Variants in PCF11 observed in about 807,000 individuals in gnomAD.
PCF11 encodes pre-mRNA cleavage complex 2 protein Pcf11.
In PCF11, 19 loss-of-function variants were observed where a neutral mutation model predicts 166.1. That is an observed-to-expected ratio of 0.11 (90% CI 0.08 to 0.17). The LOEUF (loss-of-function observed/expected upper bound fraction) is 0.17. PCF11 is among the 10% of genes least tolerant of loss of function. PCF11 has a pLI of 1.00. For synonymous variants in PCF11, 663 were observed against 644.1 expected (o/e 1.03, Z -0.44); for missense variants, 1,565 against 1,855.5 (o/e 0.84, Z 2.88).
intron 8 of PCF11, 132 bp from the exon 9 acceptor site, chr11:83,171,686 A>G: frequency 1.5e-6 from 1 of 664,046 alleles, no homozygotes; most frequent in Non-Finnish European, 2.7e-6. Context: ...GATGCAGCCA[A>G]GTTATCTTTC....
chr11:83,169,461 G>A, exon 8 of PCF11: 2 of 1,613,700 alleles, frequency 1.2e-6, no homozygotes, highest in Non-Finnish European at 1.7e-6. Context: ...TTGATGGGCA[G>A]CCAGGTCAGC....
chr11:83,164,342 T>G, exon 4 of PCF11: 1 of 1,613,590 alleles, frequency 6.2e-7, no homozygotes, highest in Non-Finnish European at 8.5e-7. Flanking sequence ...GCAAAAACAG[T>G]TGTTAGAACT....
exon 5 of PCF11, chr11:83,166,392 G>A: frequency 6.2e-7 from 1 of 1,613,948 alleles, no homozygotes; most frequent in Admixed American, 1.7e-5. Context: ...AAAGAGAAGA[G>A]ATAGGCGGTC....
chr11:83,169,184 A>C, exon 8 of PCF11: 2 of 1,612,546 alleles, frequency 1.2e-6, no homozygotes, highest in South Asian at 2.2e-5. Flanking sequence ...TTGCTACAGC[A>C]AGGGGTTGGA....
In PCF11 at chr11:83,167,279, C is replaced by G; in HGVS notation, c.1972C>G (p.Leu658Val). ...TCTTCAGATTCCTAAAGAGTTAACT[C>G]TTGCAAGCAAAAGAGAATTACTTCA... is the stretch of plus-strand genomic sequence containing the variant. The change falls in exon 6 of 16, where the codon CTT becomes GTT. Residue 658 changes from leucine (L) to valine (V), a missense_variant. This residue lies in a region of PCF11 where 26 missense variants were observed against 63.3 expected (regional missense o/e 0.41). Coordinates refer to ENST00000298281, the Ensembl canonical transcript of PCF11. The surrounding 1 kb of genome is among the most constrained non-coding windows in gnomAD (Gnocchi z 4.2). The G allele has an allele frequency of 1.2e-6, 2 of 1,613,194 alleles. No homozygotes were observed. The highest frequency in any genetic ancestry group is 1.7e-6 in the Non-Finnish European group (2 of 1,179,408).
chr11:83,185,956 C>CT (rs1554989035), exon 16 of PCF11: 1 of 152,410 alleles, frequency 6.6e-6, no homozygotes, highest in Non-Finnish European at 1.5e-5. Context: ...ATATAAAACA[C>CT]TGAGTTTTAT....
exon 8 of PCF11, chr11:83,169,602 T>C (rs780801931): frequency 6.2e-7 from 1 of 1,613,854 alleles, no homozygotes; most frequent in Admixed American, 1.7e-5. Flanking sequence ...GATTTGACGG[T>C]GTACCTCAAA....
At chr11:83,186,376 C>CAGTAGTTTTG in exon 16 of PCF11, 1 of 152,184 alleles carries the variant, frequency 6.6e-6, no homozygotes, top group East Asian at 1.9e-4. Context: ...GGTTAAAACT[C>CAGTAGTTTTG]AGTAGTTTTG....
exon 4 of PCF11, chr11:83,164,328 C>T (rs1467881667): frequency 1.2e-6 from 2 of 1,613,408 alleles, no homozygotes; most frequent in South Asian, 2.2e-5. Context: ...CAGTTACTGG[C>T]AAAGCAAAAA....
rs1860351786 is a variant in PCF11, at chr11:83,163,920, A to G, written c.507+53A>G. 6 of 834,128 alleles carry G rather than the reference A, an allele frequency of 7.2e-6. No homozygotes were observed. The Middle Eastern group carries it at 1.2e-3, about 163-fold the overall frequency. 51.7% of individuals were successfully genotyped at this position (834,128 alleles called of 1,614,324 possible). A position where few individuals can be genotyped will look rare whatever the true frequency, so the allele number is the denominator to read the frequency against. ...CATACTTTTAAGTATCACATTTTGA[A>G]TTCTTCTGCAGAACTTACTGCCAGA... On this transcript the variant is annotated intron_variant, in intron 3 of 15. Coordinates refer to ENST00000298281, the Ensembl canonical transcript of PCF11.
chr11:83,157,857 A>G (rs763266787), intron 1 of PCF11: 10 of 561,756 alleles, frequency 1.8e-5, no homozygotes, highest in African/African-American at 7.5e-5. Flanking sequence ...CCGCTTTCCA[A>G]CTCCCTTTTT....
intron 4 of PCF11, among the ~76,000 whole-genome samples, chr11:83,165,201 A>G (rs992128599): frequency 6.6e-6 from 1 of 152,240 alleles, no homozygotes; most frequent in African/African-American, 2.4e-5. Flanking sequence ...TAAGTTCATT[A>G]ATAGCACCAC....
chr11:83,167,038 A>T lies in PCF11; in HGVS notation c.1818-87A>T. 1 of 1,093,476 alleles carries T rather than the reference A, an allele frequency of 9.1e-7. No individual in the cohort carries two copies. Among genetic ancestry groups the T allele is most frequent in the Admixed American group, 2.3e-5 (1 of 44,236 alleles). 67.7% of individuals were successfully genotyped at this position (1,093,476 alleles called of 1,614,324 possible). On this transcript the variant is annotated intron_variant, in intron 5 of 15. Coordinates refer to ENST00000298281, the Ensembl canonical transcript of PCF11. The surrounding 1 kb of genome is among the most constrained non-coding windows in gnomAD (Gnocchi z 4.2). ...GTGGTTACATATGCCCATTTTAACC[A>T]TATCCTTTGAAAAGAATCTTTAAAT...
At chr11:83,174,026 G>A (rs1860790797) in intron 9 of PCF11, among the ~76,000 whole-genome samples, 1 of 152,076 alleles carries the variant, frequency 6.6e-6, no homozygotes, top group South Asian at 2.1e-4. Flanking sequence ...ACTGTGCCCA[G>A]CCTTGTTTTG....
intron 9 of PCF11, among the ~76,000 whole-genome samples, chr11:83,173,326 A>G (rs1232721889): frequency 6.6e-6 from 1 of 152,066 alleles, no homozygotes; most frequent in Admixed American, 6.6e-5. Context: ...GTGGTGGTGC[A>G]TGCCTGTAGT....
chr11:83,161,542 G>A (rs1279560692), intron 2 of PCF11, 90 bp downstream of exon 2: 13 of 968,450 alleles, frequency 1.3e-5, no homozygotes, highest in African/African-American at 1.7e-5. Context: ...GTTTTCTTGG[G>A]TGGTGAAATG....
At chr11:83,166,601 A>C (rs1447279856) in exon 5 of PCF11, 1 of 1,613,990 alleles carries the variant, frequency 6.2e-7, no homozygotes, top group Non-Finnish European at 8.5e-7. Context: ...GACCACAAGA[A>C]ACTACAAATC....
At chr11:83,169,537 G>A in exon 8 of PCF11, 1 of 1,613,922 alleles carries the variant, frequency 6.2e-7, no homozygotes, top group Non-Finnish European at 8.5e-7. Context: ...AAGGACTCCT[G>A]GTCAGCCAGG....
exon 9 of PCF11, chr11:83,171,841 A>T: frequency 6.3e-7 from 1 of 1,599,420 alleles, no homozygotes; most frequent in Non-Finnish European, 8.6e-7. Flanking sequence ...TTGCTCAGCC[A>T]GTAGCTTTTG....
Sources: allele counts gnomAD v4.1 joint callset (sites outside exome capture counted in the v4.1 genomes callset), GRCh38; gene constraint gnomAD v4.1.1; regional missense constraint gnomAD v4.1.1; non-coding constraint Gnocchi (gnomAD v3.1); transcripts MANE v1.5; gene names NCBI Gene and HGNC (gene_info 2026-07-23, HGNC 2026-07-21).